Variants in ZBED3 observed in about 807,000 individuals in gnomAD.
ZBED3 encodes the protein zinc finger BED-type containing 3.
For missense variants in ZBED3, 388 were observed against 362.9 expected (o/e 1.07, Z -0.56); for synonymous variants, 175 against 180.0 (o/e 0.97, Z 0.22).
At chr5:77,081,411 A>G (rs746294019) in intron 1 of ZBED3, among the ~76,000 whole-genome samples, 4 of 151,408 alleles carry the variant, frequency 2.6e-5, no homozygotes, top group Admixed American at 6.6e-5. Flanking sequence ...CAGTGGCACA[A>G]TCATGGCTCA....
Position 77,077,799 on chromosome 5 carries a change from G to A in ZBED3, c.80C>T (p.Pro27Leu). The A allele has an allele frequency of 1.5e-6, 2 of 1,306,814 alleles. No homozygotes were observed. Among genetic ancestry groups the A allele is most frequent in the Non-Finnish European group, 1.9e-6 (2 of 1,033,362 alleles). 81.0% of individuals were successfully genotyped at this position (1,306,814 alleles called of 1,614,324 possible). ...CGGCGTCGGCGCCGGCCCCAGTCCCGGACACTGACCGCCCCGCGCCGCCGC... is the reference window on the plus strand; with the variant it reads ...CGGCGTCGGCGCCGGCCCCAGTCCCAGACACTGACCGCCCCGCGCCGCCGC... ...DDAAARGGQC[P>L]GLGPAPTPTP... The change falls in exon 3 of 3, where the codon CCG becomes CTG. Residue 27 changes from proline to leucine, a missense_variant. By Grantham distance (98) the Pro-to-Leu change is moderately conservative. Transcript: ENST00000255198.
rs1267384963 is a variant in ZBED3, at chr5:77,077,027, T to A, written c.*147A>T. On this transcript the variant is annotated 3_prime_UTR_variant, in exon 3 of 3. Coordinates refer to ENST00000255198, the MANE Select transcript of ZBED3 (RefSeq NM_032367.4). ...TGCTTCTCAAGCTGAAGCCTTAGGGTGTGGAAGATCCTACAGTTAGCTGGA... is the reference window on the plus strand; with the variant it reads ...TGCTTCTCAAGCTGAAGCCTTAGGGAGTGGAAGATCCTACAGTTAGCTGGA... 5 of 530,248 alleles carry A rather than the reference T, an allele frequency of 9.4e-6. No homozygotes were observed. Among genetic ancestry groups the A allele is most frequent in the Non-Finnish European group, 1.5e-5 (5 of 342,490 alleles). 32.8% of individuals were successfully genotyped at this position (530,248 alleles called of 1,614,324 possible). A position where few individuals can be genotyped will look rare whatever the true frequency, so the allele number is the denominator to read the frequency against.
At chr5:77,085,610 C>G (rs554083072) in intron 1 of ZBED3, among the ~76,000 whole-genome samples, 6 of 152,214 alleles carry the variant, frequency 3.9e-5, no homozygotes, top group Non-Finnish European at 8.8e-5. Context: ...TTTTCTTTTA[C>G]TTCATCCACC....
chr5:77,081,798 T>C (rs1009091171), intron 1 of ZBED3, among the ~76,000 whole-genome samples: 3 of 152,160 alleles, frequency 2.0e-5, no homozygotes, highest in African/African-American at 7.2e-5. Context: ...CATCCAACTC[T>C]CATTCAAATG....
chr5:77,078,412 G>A (rs1477450060), intron 2 of ZBED3, among the ~76,000 whole-genome samples, 182 bp downstream of exon 2: 1 of 152,218 alleles, frequency 6.6e-6, no homozygotes, highest in Non-Finnish European at 1.5e-5. Context: ...GAGTGGAAGA[G>A]CCAGTGGTGA....
chr5:77,077,919 A>G, intron 2 of ZBED3, 24 bp from the exon 3 acceptor site: 1 of 1,242,686 alleles, frequency 8.0e-7, no homozygotes, highest in Non-Finnish European at 1.0e-6. Flanking sequence ...GAAGAATAAT[A>G]ATGAGTGTTA....
At position 77,073,089 on chromosome 5, in the gene ZBED3, ATTTT is replaced by A. The variant is rs1006365472; in HGVS notation, c.*4081_*4084del. ...GAGAGGAATGTTGTCTACAAACAAA[ATTTT>A]TTTATCATAAAAGTAATTCATACTT... On this transcript the variant is annotated 3_prime_UTR_variant, in exon 3 of 3. Coordinates refer to ENST00000255198, the MANE Select transcript of ZBED3 (RefSeq NM_032367.4). The A allele has an allele frequency of 6.9e-6, 1 of 144,992 alleles. No individual in the cohort carries two copies. Among genetic ancestry groups the A allele is most frequent in the Non-Finnish European group, 1.5e-5 (1 of 66,812 alleles). 9.0% of individuals were successfully genotyped at this position (144,992 alleles called of 1,614,324 possible). A position where few individuals can be genotyped will look rare whatever the true frequency, so the allele number is the denominator to read the frequency against.
At position 77,073,278 on chromosome 5, in the gene ZBED3, C is replaced by T. The variant is rs555770223; in HGVS notation, c.*3896G>A. 1 of 152,198 alleles carries T rather than the reference C, an allele frequency of 6.6e-6. No individual in the cohort carries two copies. The highest frequency in any genetic ancestry group is 2.1e-4 in the South Asian group (1 of 4,822). 9.4% of individuals were successfully genotyped at this position (152,198 alleles called of 1,614,324 possible). On this transcript the variant is annotated 3_prime_UTR_variant, in exon 3 of 3. Transcript: ENST00000255198. ...GAGTAGTTAAGATTCTAAATCCTTT[C>T]CTATGTTTTAATGGTTCTTACAATT... is the stretch of plus-strand genomic sequence containing the variant.
At chr5:77,086,963 C>CCGGCCCGGAGAAGGG (rs1274544785) in intron 1 of ZBED3, 148 bp downstream of exon 1, 1 of 152,272 alleles carries the variant, frequency 6.6e-6, no homozygotes, top group South Asian at 2.1e-4. Flanking sequence ...GTCGCGACAG[C>CCGGCCCGGAGAAGGG]CGGCCCGGAG....
chr5:77,075,953 A>ATG lies in ZBED3; in HGVS notation c.*1220_*1221insCA, dbSNP rs1430712018. ...TAAAGTATTATATATACATATATAT[A>ATG]TATATATATATATGTATATGTATAT... On this transcript the variant is annotated 3_prime_UTR_variant, in exon 3 of 3. Coordinates refer to ENST00000255198, the MANE Select transcript of ZBED3 (RefSeq NM_032367.4). 131 of 34,310 alleles carry ATG rather than the reference A, an allele frequency of 3.8e-3. 7 individuals carry two copies. The highest frequency in any genetic ancestry group is 5.3e-3 in the Non-Finnish European group (79 of 14,988). The allele number at this position is 34,310 out of a possible 1,614,324, so 2.1% of individuals were successfully genotyped here.
chr5:77,078,846 T>G (rs1743076441), intron 1 of ZBED3, 118 bp from the exon 2 acceptor site: 1 of 152,246 alleles, frequency 6.6e-6, no homozygotes, highest in Non-Finnish European at 1.5e-5. Flanking sequence ...TTCTAACCCT[T>G]TCATAGATAC....
At position 77,086,164 on chromosome 5, in the gene ZBED3, C is replaced by T. The variant is rs184187920; in HGVS notation, c.-153+947G>A. Reference sequence around the variant, plus strand: ...TGGTCCTAAAGATTAAGGTGGTGATCCATTTTATCTTGTAAAAATGCATAA... The same window carrying T: ...TGGTCCTAAAGATTAAGGTGGTGATTCATTTTATCTTGTAAAAATGCATAA... On this transcript the variant is annotated intron_variant, in intron 1 of 2. Coordinates refer to ENST00000255198, the MANE Select transcript of ZBED3 (RefSeq NM_032367.4). 2.0e-5 allele frequency among the ~76,000 whole-genome samples: 3 copies of T among 152,214 alleles called. No homozygotes were observed. The East Asian group carries it at 5.8e-4, about 29-fold the overall frequency.
intron 1 of ZBED3, among the ~76,000 whole-genome samples, chr5:77,084,629 C>T (rs1438086856): frequency 3.9e-5 from 6 of 152,180 alleles, no homozygotes; most frequent in Non-Finnish European, 8.8e-5. Flanking sequence ...GTGCTCACTC[C>T]TTCGGGTGAA....
chr5:77,083,774 T>C (rs571591577), intron 1 of ZBED3, among the ~76,000 whole-genome samples: 13 of 152,114 alleles, frequency 8.5e-5, no homozygotes, highest in African/African-American at 3.1e-4. Context: ...TAAAAAAGAG[T>C]AACAGATCCA....
intron 1 of ZBED3, among the ~76,000 whole-genome samples, chr5:77,082,952 A>T (rs1743159947): frequency 6.6e-6 from 1 of 152,224 alleles, no homozygotes; most frequent in Non-Finnish European, 1.5e-5. Context: ...CCTGGCCAAC[A>T]TGGTGAAACC....
chr5:77,072,673 G>T lies in ZBED3; in HGVS notation c.*4501C>A, dbSNP rs1304649217. ...AGTTTTGACTGGAGCAGGTCATTTG[G>T]CAACTATTTGATAGAAAAATATTTA... On this transcript the variant is annotated 3_prime_UTR_variant, in exon 3 of 3. Coordinates refer to ENST00000255198, the MANE Select transcript of ZBED3 (RefSeq NM_032367.4). 5 of 152,152 alleles carry T rather than the reference G, an allele frequency of 3.3e-5. No homozygotes were observed. Among genetic ancestry groups the T allele is most frequent in the Admixed American group, 1.3e-4 (2 of 15,284 alleles). The allele number at this position is 152,152 out of a possible 1,614,324, so 9.4% of individuals were successfully genotyped here. A position where few individuals can be genotyped will look rare whatever the true frequency, so the allele number is the denominator to read the frequency against.
intron 1 of ZBED3, chr5:77,079,411 T>G (rs905376755): frequency 2.6e-5 from 4 of 152,184 alleles, no homozygotes; most frequent in African/African-American, 9.7e-5. Flanking sequence ...ATAGGAAAAA[T>G]AAGCTGCTAT....
At chr5:77,082,473 C>A (rs1026538977) in intron 1 of ZBED3, among the ~76,000 whole-genome samples, 11 of 152,106 alleles carry the variant, frequency 7.2e-5, no homozygotes, top group African/African-American at 1.9e-4. Context: ...AACATATGTT[C>A]ATACCAGGGA....
At position 77,085,577 on chromosome 5, in the gene ZBED3, C is replaced by A. The variant is rs139224353; in HGVS notation, c.-153+1534G>T. ...CACACTAACGTGAAATTCACACAGA[C>A]ATATGTGGAAACACTAAAAACATTT... On this transcript the variant is annotated intron_variant, in intron 1 of 2. Transcript: ENST00000255198. 5.0e-4 allele frequency among the ~76,000 whole-genome samples: 76 copies of A among 152,340 alleles called. No homozygotes were observed. The East Asian group carries it at 0.012, about 25-fold the overall frequency.
Sources: allele counts gnomAD v4.1 joint callset (sites outside exome capture counted in the v4.1 genomes callset), GRCh38; gene constraint gnomAD v4.1.1; transcripts MANE v1.5; gene names NCBI Gene and HGNC (gene_info 2026-07-23, HGNC 2026-07-21).